NUDT6: variants seen among roughly 807,000 people sequenced by gnomAD.
The protein encoded by NUDT6 is nudix hydrolase 6.
NUDT6 carries 24 observed loss-of-function variants against 36.8 expected under a neutral mutation model. The observed-to-expected ratio is 0.65, with a 90% CI of 0.47 to 0.92. The LOEUF (loss-of-function observed/expected upper bound fraction) is 0.92. Among genes scored for constraint, NUDT6 ranks in the 40% least tolerant of loss-of-function variants. The pLI, the probability that NUDT6 is intolerant of heterozygous loss-of-function variation, is 0.00. For missense variants in NUDT6, 388 were observed against 392.8 expected, an observed-to-expected ratio of 0.99 and a Z score of 0.10; for synonymous variants, 163 against 157.0, an observed-to-expected ratio of 1.04 and a Z score of -0.29.
chr4:122,907,828 T>C (rs1727651619), intron 3 of NUDT6, among the ~76,000 whole-genome samples: 1 of 152,172 alleles, frequency 6.6e-6, no homozygotes, highest in South Asian at 2.1e-4. Flanking sequence ...AAGAATCCTA[T>C]CTTGGGGTCT....
chr4:122,895,104 T>A (rs1362319791), intron 4 of NUDT6: 1 of 152,228 alleles, frequency 6.6e-6, no homozygotes, highest in Admixed American at 6.5e-5. Context: ...GGCAAATAAG[T>A]GCTTTTGTCT....
In NUDT6 at chr4:122,892,950, C is replaced by T. The variant is rs753601927; in HGVS notation, c.829G>A (p.Glu277Lys). The T allele has an allele frequency of 1.1e-5, 18 of 1,614,068 alleles. No individual in the cohort carries two copies. The highest frequency in any genetic ancestry group is 3.3e-5 in the Admixed American group (2 of 60,006). ...VARLLLYGYREGFDKIDLTVE... is the reference protein window; with the variant it reads ...VARLLLYGYRKGFDKIDLTVE... ...GTCAGGTCAATTTTGTCAAACCCTTCTCTGTACCCATACAGCAGCAGCCTA... is the reference window on the plus strand; with the variant it reads ...GTCAGGTCAATTTTGTCAAACCCTTTTCTGTACCCATACAGCAGCAGCCTA... The change falls in exon 5 of 5, where the codon GAA (glutamate) becomes AAA (lysine). Residue 277 changes from glutamate to lysine, a missense_variant. Transcript: ENST00000304430.
At chr4:122,922,743 C>G (rs1352945635), upstream of NUDT6, 7 of 616,748 alleles carry the variant, frequency 1.1e-5, no homozygotes, top group Admixed American at 3.2e-5. Flanking sequence ...CAGCCCTTCT[C>G]AGCAATTTGC....
chr4:122,922,231 TG>T, intron 1 of NUDT6, 103 bp downstream of exon 1: 1 of 953,102 alleles, frequency 1.0e-6, no homozygotes, highest in Non-Finnish European at 1.5e-6. Flanking sequence ...CCTTTCCCTC[TG>T]GGCTCGACAG....
At chr4:122,901,777 C>T (rs1727529069) in intron 3 of NUDT6, among the ~76,000 whole-genome samples, 1 of 152,022 alleles carries the variant, frequency 6.6e-6, no homozygotes, top group Non-Finnish European at 1.5e-5. Flanking sequence ...TTCTGTTTTC[C>T]CCGTTCCACA....
chr4:122,915,490 A>ACC (rs72506727), intron 2 of NUDT6, among the ~76,000 whole-genome samples: 5 of 140,636 alleles, frequency 3.6e-5, no homozygotes, highest in Admixed American at 2.9e-4. Context: ...AAAAAAAAAA[A>ACC]AAAAAAAACA....
intron 3 of NUDT6, 173 bp from the exon 4 acceptor site, chr4:122,897,851 G>C (rs1727411358): frequency 1.7e-6 from 1 of 589,544 alleles, no homozygotes; most frequent in Non-Finnish European, 3.1e-6. Context: ...TTCTTTTTTT[G>C]GGGGAGCTGG....
Position 122,915,475 on chromosome 4 carries a change from A to AAAAAAAAAC in NUDT6, c.442+2025_442+2026insGTTTTTTTT, listed in dbSNP as rs1272108844. Among the ~76,000 whole-genome samples, 397 of 67,624 alleles carry AAAAAAAAAC rather than the reference A, an allele frequency of 5.9e-3. 9 individuals carry two copies. The highest frequency in any genetic ancestry group is 0.018 in the African/African-American group (372 of 21,040). 44.4% of individuals were successfully genotyped at this position (67,624 alleles called of 152,430 possible). A position where few individuals can be genotyped will look rare whatever the true frequency, so the allele number is the denominator to read the frequency against. On this transcript the variant is annotated intron_variant, in intron 2 of 4. Transcript: ENST00000304430. ...ACAAAGTGAGACCCTGCCTCAAAAA[A>AAAAAAAAAC]AAAAAAAAAAAAAAAAAAAAAAACA...
chr4:122,922,561 T>TGCCCCAGCTCAGC lies in NUDT6; in HGVS notation c.11_12insGCTGAGCTGGGGC (p.Arg9ThrfsTer86), dbSNP rs1553953505. ...TCGCGCGCCAGCGGCCCCAGCTCAG[T>TGCCCCAGCTCAGC]GGCTGCCGCATCTCCACGCCGCTTA... is the stretch of plus-strand genomic sequence containing the variant. On this transcript the variant is annotated frameshift_variant, in exon 1 of 5. Transcript: ENST00000304430. LOFTEE classifies it high-confidence loss of function. The TGCCCCAGCTCAGC allele has an allele frequency of 3.1e-6, 5 of 1,597,292 alleles. No homozygotes were observed. The highest frequency in any genetic ancestry group is 4.3e-6 in the Non-Finnish European group (5 of 1,176,062).
intron 4 of NUDT6, chr4:122,897,396 G>T: frequency 1.9e-6 from 1 of 526,126 alleles, no homozygotes; most frequent in South Asian, 2.4e-5. Flanking sequence ...ATAAACAGAA[G>T]AATAGGTGGT....
intron 1 of NUDT6, chr4:122,919,513 C>A (rs1344905663): frequency 6.6e-6 from 1 of 152,214 alleles, no homozygotes; most frequent in East Asian, 1.9e-4. Flanking sequence ...CCGCGCCTGG[C>A]CAAAACTGAA....
rs1016365063 is a variant in NUDT6 at position 122,900,245 on chromosome 4, CAAG to C, written c.499-2570_499-2568del. Among the ~76,000 whole-genome samples, 147 of 151,982 alleles carry C rather than the reference CAAG, an allele frequency of 9.7e-4. 1 individual carries two copies. Among genetic ancestry groups the C allele is most frequent in the African/African-American group, 3.4e-3 (141 of 41,316 alleles). ...AGCTTTTGTAAACCTTCCAGCCTTC[CAAG>C]AAGGTTTGCATCTTTCTACAATTTT... On this transcript the variant is annotated intron_variant, in intron 3 of 4. Coordinates refer to ENST00000304430, the MANE Select transcript of NUDT6 (RefSeq NM_007083.5).
intron 1 of NUDT6, chr4:122,919,758 A>G (rs1213356768): frequency 6.6e-6 from 1 of 152,214 alleles, no homozygotes; most frequent in African/African-American, 2.4e-5. Context: ...TTATGAATTT[A>G]AAGACTACTA....
intron 4 of NUDT6, 56 bp downstream of exon 4, chr4:122,897,568 A>ATTT: frequency 4.1e-6 from 5 of 1,221,394 alleles, no homozygotes; most frequent in Non-Finnish European, 6.1e-6. Context: ...CAAGAAAGTA[A>ATTT]ACACATTAAT....
At chr4:122,911,839 C>A (rs1347167467) in intron 3 of NUDT6, among the ~76,000 whole-genome samples, 2 of 152,098 alleles carry the variant, frequency 1.3e-5, no homozygotes, top group African/African-American at 4.8e-5. Flanking sequence ...TGCTTCTAGT[C>A]ACCTAGACTC....
chr4:122,909,453 G>A (rs1274150068), intron 3 of NUDT6, among the ~76,000 whole-genome samples: 1 of 152,060 alleles, frequency 6.6e-6, no homozygotes, highest in African/African-American at 2.4e-5. Flanking sequence ...TGATTATCTG[G>A]TTTTATTTCT....
chr4:122,917,212 T>G lies in NUDT6; in HGVS notation c.442+289A>C, dbSNP rs538292526. Among the ~76,000 whole-genome samples, 4 of 152,340 alleles carry G rather than the reference T, an allele frequency of 2.6e-5. No homozygotes were observed. The South Asian group carries it at 6.2e-4, about 24-fold the overall frequency. The stretch of plus-strand genomic sequence containing the variant: ...TTTTATAACTGTTCTAATTTATTGT[T>G]AGTTACTGTTAATCTCTTACTGTGC... On this transcript the variant is annotated intron_variant, in intron 2 of 4. Transcript: ENST00000304430.
intron 3 of NUDT6, among the ~76,000 whole-genome samples, chr4:122,905,822 C>CATCT (rs1336814026): frequency 6.6e-6 from 1 of 152,176 alleles, no homozygotes; most frequent in Non-Finnish European, 1.5e-5. Flanking sequence ...ATTTCTTGTG[C>CATCT]ATCTGATTCC....
At chr4:122,911,163 G>C (rs1297359094) in intron 3 of NUDT6, among the ~76,000 whole-genome samples, 1 of 152,160 alleles carries the variant, frequency 6.6e-6, no homozygotes, top group Non-Finnish European at 1.5e-5. Context: ...CAAAGTAGAA[G>C]TGGCAAAGGG....
Sources: gnomAD v4.1 joint callset for allele counts (sites outside exome capture counted in the v4.1 genomes callset) on GRCh38, gnomAD v4.1.1 for gene constraint, MANE v1.5 for transcripts, NCBI Gene and HGNC (gene_info 2026-07-23, HGNC 2026-07-21) for gene names.